The following PPP1R9A variants were observed in gnomAD, a reference collection of about 807,000 sequenced individuals.
The protein encoded by PPP1R9A is protein phosphatase 1 regulatory subunit 9A, also known as neurabin-1.
Under a neutral mutation model 141.9 loss-of-function variants are expected in PPP1R9A, and 59 were observed. The observed-to-expected ratio is 0.42, with a 90% CI of 0.34 to 0.52. The LOEUF (loss-of-function observed/expected upper bound fraction) is 0.52, where lower values mean the gene tolerates loss of function less well. Ranked by LOEUF, PPP1R9A falls within the 20% of genes least tolerant of loss-of-function variation. The pLI is 0.10. For synonymous variants in PPP1R9A, 500 were observed against 569.7 expected (o/e 0.88, Z 1.74); for missense variants, 1,444 against 1,611.9 (o/e 0.90, Z 1.78).
At position 95,099,256 on chromosome 7, in the gene PPP1R9A, C is replaced by T. The variant is rs572614486; in HGVS notation, c.1396-12003C>T. ...TAAGTTATTTCATCTAGGAGACTGT[C>T]CACTGCCCCCAAATGGTTGCCAATT... On this transcript the variant is annotated intron_variant, in intron 2 of 19. Coordinates refer to ENST00000433360, the MANE Select transcript of PPP1R9A (RefSeq NM_001166160.2). Among the ~76,000 whole-genome samples the T allele has an allele frequency of 5.3e-5, 8 of 152,262 alleles. No individual in the cohort carries two copies. In the South Asian group the frequency reaches 1.7e-3, roughly 32 times the overall value.
intron 2 of PPP1R9A, among the ~76,000 whole-genome samples, chr7:94,925,224 G>C (rs914203378): frequency 6.6e-6 from 1 of 152,072 alleles, no homozygotes; most frequent in Admixed American, 6.5e-5. Flanking sequence ...GCTTGTGGGG[G>C]AGTCAGTCTG....
intron 7 of PPP1R9A, among the ~76,000 whole-genome samples, chr7:95,216,572 A>T (rs1345230379): frequency 2.0e-5 from 3 of 152,082 alleles, no homozygotes; most frequent in Non-Finnish European, 2.9e-5. Context: ...GGCCATTTTC[A>T]CGATATTGAT....
At chr7:95,077,818 G>C (rs569215390) in intron 2 of PPP1R9A, among the ~76,000 whole-genome samples, 24 of 152,208 alleles carry the variant, frequency 1.6e-4, no homozygotes, top group African/African-American at 5.5e-4. Context: ...TGAAGAGTAA[G>C]GTTTGTTATG....
chr7:95,285,164 C>G (rs1310858548), intron 17 of PPP1R9A, among the ~76,000 whole-genome samples: 1 of 152,140 alleles, frequency 6.6e-6, no homozygotes, highest in African/African-American at 2.4e-5. Context: ...TCTCCAGCCT[C>G]TGGCATGGTA....
intron 12 of PPP1R9A, among the ~76,000 whole-genome samples, chr7:95,264,504 A>C (rs1800952683): frequency 6.6e-6 from 1 of 152,220 alleles, no homozygotes. Flanking sequence ...GTAATATGAT[A>C]TATAGCATCC....
At chr7:94,991,381 TTTTG>T (rs1355145494) in intron 2 of PPP1R9A, among the ~76,000 whole-genome samples, 2 of 152,118 alleles carry the variant, frequency 1.3e-5, no homozygotes, top group Admixed American at 6.6e-5. Flanking sequence ...TCACTTGCCT[TTTTG>T]TTTGTTTTTC....
At chr7:94,970,698 C>T (rs1271096193) in intron 2 of PPP1R9A, among the ~76,000 whole-genome samples, 8 of 142,374 alleles carry the variant, frequency 5.6e-5, no homozygotes, top group Non-Finnish European at 1.0e-4. Context: ...TGCAGTGGTG[C>T]GATTTCAGCA....
At position 95,017,005 on chromosome 7, in the gene PPP1R9A, G is replaced by A. The variant is rs115911796; in HGVS notation, c.1396-94254G>A. Among the ~76,000 whole-genome samples, 227 of 152,266 alleles carry A rather than the reference G, an allele frequency of 1.5e-3. 2 individuals carry two copies. The highest frequency in any genetic ancestry group is 4.9e-3 in the African/African-American group (202 of 41,564). On this transcript the variant is annotated intron_variant, in intron 2 of 19. Coordinates refer to ENST00000433360, the MANE Select transcript of PPP1R9A (RefSeq NM_001166160.2). ...CTGGTGTCCTTATTAGAAGAGAAGA[G>A]ACGCAGTGGGAAGACAGCCATATGA...
chr7:95,031,178 CT>C (rs1807629072), intron 2 of PPP1R9A, among the ~76,000 whole-genome samples: 1 of 152,100 alleles, frequency 6.6e-6, no homozygotes, highest in South Asian at 2.1e-4. Context: ...CTTGTTCTTC[CT>C]TTTGTTTACT....
rs1391660091 is a variant in PPP1R9A at position 95,153,598 on chromosome 7, A to G, written c.1650-8269A>G. Among the ~76,000 whole-genome samples the G allele has an allele frequency of 2.0e-5, 3 of 152,222 alleles. No homozygotes were observed. The East Asian group carries it at 5.8e-4, about 29-fold the overall frequency. On this transcript the variant is annotated intron_variant, in intron 4 of 19. Transcript: ENST00000433360. ...TTTTTAAATCAGTCTGATTTGTCCAAAGAATCAGTTTTTAGCTTTAAATTT... is the reference window on the plus strand; with the variant it reads ...TTTTTAAATCAGTCTGATTTGTCCAGAGAATCAGTTTTTAGCTTTAAATTT...
intron 5 of PPP1R9A, among the ~76,000 whole-genome samples, chr7:95,174,319 A>C (rs1217168225): frequency 6.6e-6 from 1 of 152,146 alleles, no homozygotes; most frequent in Non-Finnish European, 1.5e-5. Context: ...AAAATACAAA[A>C]CTGTGCTAAT....
chr7:95,242,187 C>G (rs1585419203), intron 8 of PPP1R9A, among the ~76,000 whole-genome samples: 1 of 152,092 alleles, frequency 6.6e-6, no homozygotes. Flanking sequence ...TAGTTAAAAA[C>G]AGCTTTGATT....
chr7:95,265,795 G>T (rs1021727346), intron 12 of PPP1R9A, among the ~76,000 whole-genome samples: 6 of 152,102 alleles, frequency 3.9e-5, no homozygotes, highest in African/African-American at 1.4e-4. Flanking sequence ...TTTGCTTTCA[G>T]ACCTTCAAAA....
intron 2 of PPP1R9A, among the ~76,000 whole-genome samples, chr7:95,022,659 A>G (rs1435947482): frequency 6.6e-6 from 1 of 152,106 alleles, no homozygotes; most frequent in Non-Finnish European, 1.5e-5. Context: ...TGCCATCAAT[A>G]TCTAGTTTAT....
chr7:94,954,798 T>G (rs1453089361), intron 2 of PPP1R9A, among the ~76,000 whole-genome samples: 2 of 151,338 alleles, frequency 1.3e-5, no homozygotes, highest in Non-Finnish European at 3.0e-5. Flanking sequence ...TAAAATTGTT[T>G]ATTCTGTTAT....
At chr7:94,992,777 G>A (rs1457146287) in intron 2 of PPP1R9A, among the ~76,000 whole-genome samples, 1 of 151,678 alleles carries the variant, frequency 6.6e-6, no homozygotes, top group Non-Finnish European at 1.5e-5. Flanking sequence ...ATCTTATTTT[G>A]TGAAAAATTT....
At chr7:95,063,571 A>T (rs116834706) in intron 2 of PPP1R9A, among the ~76,000 whole-genome samples, 4,066 of 152,202 alleles carry the variant, frequency 0.027, 183 homozygotes, top group African/African-American at 0.093. Context: ...TTAAAAAAAA[A>T]TTTTAAATAA....
intron 7 of PPP1R9A, among the ~76,000 whole-genome samples, chr7:95,216,655 G>A (rs181690308): frequency 6.6e-6 from 1 of 152,158 alleles, no homozygotes; most frequent in South Asian, 2.1e-4. Flanking sequence ...GCAGTGGTTT[G>A]TAGTTCTCCT....
At chr7:95,096,633 G>C (rs1818057773) in intron 2 of PPP1R9A, among the ~76,000 whole-genome samples, 1 of 152,120 alleles carries the variant, frequency 6.6e-6, no homozygotes, top group Admixed American at 6.6e-5. Flanking sequence ...TAGGGACTCT[G>C]CATGGCATGT....
Sources: allele counts gnomAD v4.1 joint callset (sites outside exome capture counted in the v4.1 genomes callset), GRCh38; gene constraint gnomAD v4.1.1; transcripts MANE v1.5; gene names NCBI Gene and HGNC (gene_info 2026-07-23, HGNC 2026-07-21).